The following IKZF1 variants were observed in gnomAD, a reference collection of about 807,000 sequenced individuals.
The protein encoded by IKZF1 is IKAROS family zinc finger 1, also known as DNA-binding protein Ikaros.
IKZF1 carries 10 observed loss-of-function variants against 51.7 expected under a neutral mutation model. The ratio of observed to expected loss-of-function variants is 0.19; its 90% CI spans 0.12 to 0.33. IKZF1 has a LOEUF of 0.33. Ranked by LOEUF, IKZF1 falls within the 10% of genes least tolerant of loss-of-function variation. The pLI, the probability that IKZF1 is intolerant of heterozygous loss-of-function variation, is 1.00. For synonymous variants in IKZF1, 280 were observed against 282.3 expected (o/e 0.99, Z 0.08); for missense variants, 484 against 707.5 (o/e 0.68, Z 3.58).
chr7:50,348,684 A>G (rs1473343480), intron 3 of IKZF1, among the ~76,000 whole-genome samples: 1 of 152,242 alleles, frequency 6.6e-6, no homozygotes, highest in Non-Finnish European at 1.5e-5. Flanking sequence ...CTGAAGATGG[A>G]CATAGTAAAA....
intron 3 of IKZF1, among the ~76,000 whole-genome samples, chr7:50,347,083 G>C (rs1010308177): frequency 6.6e-6 from 1 of 152,102 alleles, no homozygotes; most frequent in Non-Finnish European, 1.5e-5. Flanking sequence ...GGCAATTATC[G>C]TTATCTCATT....
chr7:50,348,269 C>T lies in IKZF1; in HGVS notation c.160+20512C>T, dbSNP rs186579659. 5.4e-3 allele frequency among the ~76,000 whole-genome samples: 825 copies of T among 152,188 alleles called. 3 individuals carry two copies. Among genetic ancestry groups the T allele is most frequent in the South Asian group, 0.012 (60 of 4,820 alleles). ...ATTCTTTGAAGTCTTAAATTGTTGC[C>T]TCCGGACATGACATATCTGGCTCTT... On this transcript the variant is annotated intron_variant, in intron 3 of 7. Transcript: ENST00000331340.
chr7:50,399,282 CAA>C lies in IKZF1; in HGVS notation c.851-635_851-634del, dbSNP rs544236963. Among the ~76,000 whole-genome samples, 346 of 152,202 alleles carry C rather than the reference CAA, an allele frequency of 2.3e-3. 3 individuals carry two copies. Among genetic ancestry groups the C allele is most frequent in the African/African-American group, 7.9e-3 (330 of 41,522 alleles). ...TTGAGTATCCCTTCCACTCTCATCT[CAA>C]GACAGAGTTCATCTACCTTTGGGTT... On this transcript the variant is annotated intron_variant, in intron 7 of 7. Coordinates refer to ENST00000331340, the MANE Select transcript of IKZF1 (RefSeq NM_006060.6).
At chr7:50,351,533 A>C (rs1183515833) in intron 3 of IKZF1, among the ~76,000 whole-genome samples, 1 of 152,190 alleles carries the variant, frequency 6.6e-6, no homozygotes, top group Non-Finnish European at 1.5e-5. Flanking sequence ...TTGCAATCAA[A>C]TCAACAATAT....
At chr7:50,363,997 C>T (rs1035022066) in intron 3 of IKZF1, among the ~76,000 whole-genome samples, 1 of 152,198 alleles carries the variant, frequency 6.6e-6, no homozygotes, top group Non-Finnish European at 1.5e-5. Context: ...CTGTGGCTAA[C>T]AGGTTCATGT....
At chr7:50,334,571 G>C (rs1336527710) in intron 3 of IKZF1, among the ~76,000 whole-genome samples, 1 of 151,608 alleles carries the variant, frequency 6.6e-6, no homozygotes, top group African/African-American at 2.4e-5. Context: ...TATGGGGTGT[G>C]TATGTGTGTG....
rs1204054797 is a variant in IKZF1, at chr7:50,400,162, C to G, written c.1095C>G (p.Ala365=). 2.6e-6 allele frequency: 4 copies of G among 1,563,460 alleles called. No individual in the cohort carries two copies. Among genetic ancestry groups the G allele is most frequent in the Admixed American group, 1.9e-5 (1 of 52,268 alleles). Residue 365 remains alanine, a synonymous_variant, in exon 8 of 8, where the codon GCC becomes GCG. Coordinates refer to ENST00000331340, the MANE Select transcript of IKZF1 (RefSeq NM_006060.6). The surrounding 1 kb of genome is among the most constrained non-coding windows in gnomAD (Gnocchi z 5.4). The stretch of plus-strand genomic sequence containing the variant: ...GCACCCCGCGCTCCAACCACTCGGC[C>G]CAGGACAGCGCCGTGGAGAACCTGC... ...AEGTPRSNHS[A]QDSAVENLLL... is the part of the protein sequence containing the mutation.
chr7:50,357,042 C>T (rs979499650), intron 3 of IKZF1, among the ~76,000 whole-genome samples: 5 of 151,988 alleles, frequency 3.3e-5, no homozygotes, highest in African/African-American at 4.8e-5. Context: ...CACCGGGCTT[C>T]GGAGGGCCAT....
chr7:50,377,830 C>T (rs747018596), intron 4 of IKZF1, among the ~76,000 whole-genome samples: 4 of 152,214 alleles, frequency 2.6e-5, no homozygotes, highest in Admixed American at 6.5e-5. Context: ...ATAGCTGAAA[C>T]GTGAAACATA....
At chr7:50,353,233 A>T (rs550782175) in intron 3 of IKZF1, among the ~76,000 whole-genome samples, 3 of 152,378 alleles carry the variant, frequency 2.0e-5, no homozygotes, top group Non-Finnish European at 1.5e-5. Flanking sequence ...TTGCAGCTCC[A>T]TGTTTCCAAA....
rs1285428790 is a variant in IKZF1, at chr7:50,400,234, C to T, written c.1167C>T (p.Ser389=). ...AKLVPSEREA[S]PSNSCQDSTD... is the part of the protein sequence containing the mutation. The stretch of plus-strand genomic sequence containing the variant: ...TGGTGCCCTCGGAGCGCGAGGCGTC[C>T]CCGAGCAACAGCTGCCAAGACTCCA... The change falls in exon 8 of 8, where the codon TCC becomes TCT. Residue 389 remains serine (S), a synonymous_variant. Transcript: ENST00000331340. The surrounding 1 kb of genome is among the most constrained non-coding windows in gnomAD (Gnocchi z 5.4). 16 of 1,605,546 alleles carry T rather than the reference C, an allele frequency of 1.0e-5. No individual in the cohort carries two copies. Among genetic ancestry groups the T allele is most frequent in the Non-Finnish European group, 1.4e-5 (16 of 1,176,702 alleles).
At chr7:50,327,041 G>A (rs10251980) in intron 2 of IKZF1, among the ~76,000 whole-genome samples, 27,540 of 152,184 alleles carry the variant, frequency 0.18, 3,123 homozygotes, top group African/African-American at 0.32. Flanking sequence ...ACAGGGGGAA[G>A]AGTTGACAAA....
rs750934235 is a variant in IKZF1, at chr7:50,400,410, C to G, written c.1343C>G (p.Ala448Gly). The G allele has an allele frequency of 3.1e-6, 5 of 1,613,656 alleles. No homozygotes were observed. Among genetic ancestry groups the G allele is most frequent in the Non-Finnish European group, 4.2e-6 (5 of 1,179,838 alleles). Residue 448 changes from alanine (A) to glycine (G), a missense_variant, in exon 8 of 8, where the codon GCG becomes GGG. Physicochemically the swap from Ala to Gly is moderately conservative, Grantham distance 60. Coordinates refer to ENST00000331340, the MANE Select transcript of IKZF1 (RefSeq NM_006060.6). The surrounding 1 kb of genome is among the most constrained non-coding windows in gnomAD (Gnocchi z 5.4). ...GCCGCCTCCGAGAACTCGCAGGACGCGCTCCGCGTGGTCAGCACCAGCGGG... is the reference window on the plus strand; with the variant it reads ...GCCGCCTCCGAGAACTCGCAGGACGGGCTCCGCGTGGTCAGCACCAGCGGG... ...LRAASENSQD[A>G]LRVVSTSGEQ...
At chr7:50,305,655 C>G (rs1411870820) in intron 1 of IKZF1, among the ~76,000 whole-genome samples, 1 of 152,152 alleles carries the variant, frequency 6.6e-6, no homozygotes, top group Non-Finnish European at 1.5e-5. Context: ...GACTGAATTT[C>G]AATGCGGTGC....
At position 50,400,960 on chromosome 7, in the gene IKZF1, A is replaced by G. The variant is rs1818015364; in HGVS notation, c.*333A>G. 22 of 426,296 alleles carry G rather than the reference A, an allele frequency of 5.2e-5. No individual in the cohort carries two copies. In the South Asian group the frequency reaches 5.4e-4, roughly 10 times the overall value. The allele number at this position is 426,296 out of a possible 1,614,324, so 26.4% of individuals were successfully genotyped here. ...GATTAGTCTAAATTTTCAGAGAGAA[A>G]TAGATAAAACACGCCACAGCCTGGG... On this transcript the variant is annotated 3_prime_UTR_variant, in exon 8 of 8. Coordinates refer to ENST00000331340, the MANE Select transcript of IKZF1 (RefSeq NM_006060.6). The surrounding 1 kb of genome is among the most constrained non-coding windows in gnomAD (Gnocchi z 5.4).
intron 1 of IKZF1, among the ~76,000 whole-genome samples, chr7:50,315,418 G>A (rs1584410305): frequency 6.6e-6 from 1 of 152,108 alleles, no homozygotes; most frequent in Admixed American, 6.5e-5. Context: ...TCCACTCCCC[G>A]CTCCTAGAGG....
upstream of IKZF1, chr7:50,304,087 G>C (rs967307116): frequency 4.1e-5 from 6 of 145,142 alleles, no homozygotes; most frequent in Non-Finnish European, 9.2e-5. Flanking sequence ...GCGGGCGAGC[G>C]GGCTGCAGCC....
intron 3 of IKZF1, among the ~76,000 whole-genome samples, chr7:50,333,392 G>A (rs1459600243): frequency 2.0e-5 from 3 of 152,076 alleles, no homozygotes; most frequent in Non-Finnish European, 4.4e-5. Flanking sequence ...GGGAAGGAGC[G>A]GTGCTGGGGA....
chr7:50,330,552 G>C (rs1358718400), intron 3 of IKZF1, among the ~76,000 whole-genome samples: 1 of 152,202 alleles, frequency 6.6e-6, no homozygotes, highest in Admixed American at 6.5e-5. Context: ...GGAGGGAAGA[G>C]AGGGCTCTTC....
Sources: allele counts gnomAD v4.1 joint callset (sites outside exome capture counted in the v4.1 genomes callset), GRCh38; gene constraint gnomAD v4.1.1; non-coding constraint Gnocchi (gnomAD v3.1); transcripts MANE v1.5; gene names NCBI Gene and HGNC (gene_info 2026-07-23, HGNC 2026-07-21).